Variants in RSPO2 observed in about 807,000 individuals in gnomAD.
RSPO2 encodes the protein R-spondin 2.
In RSPO2, 14 loss-of-function variants were observed where a neutral mutation model predicts 30.9. The observed-to-expected ratio is 0.45, with a 90% CI of 0.30 to 0.71. The LOEUF is 0.71. Among genes scored for constraint, RSPO2 ranks in the 30% least tolerant of loss-of-function variants. RSPO2 has a pLI of 0.08. For synonymous variants in RSPO2, 107 were observed against 96.4 expected, an observed-to-expected ratio of 1.11 and a Z score of -0.64; for missense variants, 264 against 301.9, an observed-to-expected ratio of 0.87 and a Z score of 0.93.
chr8:107,906,343 GTATTTTA>G (rs71562163), intron 5 of RSPO2, among the ~76,000 whole-genome samples: 113 of 47,232 alleles, frequency 2.4e-3, no homozygotes, highest in African/African-American at 4.6e-3. Flanking sequence ...ATGAATGCAA[GTATTTTA>G]TATTTTATAT....
At chr8:108,071,141 A>G (rs2130724582) in intron 2 of RSPO2, among the ~76,000 whole-genome samples, 1 of 152,334 alleles carries the variant, frequency 6.6e-6, no homozygotes, top group South Asian at 2.1e-4. Flanking sequence ...GAGATCACCC[A>G]TAGTAGCTGC....
intron 2 of RSPO2, among the ~76,000 whole-genome samples, chr8:108,012,224 T>A (rs1810730486): frequency 6.6e-6 from 1 of 152,200 alleles, no homozygotes; most frequent in Admixed American, 6.5e-5. Flanking sequence ...TGGCAAGCAA[T>A]GCTTTAAAGT....
rs997539523 is a variant in RSPO2 at position 108,058,653 on chromosome 8, T to C, written c.94+23892A>G. 5.3e-5 allele frequency among the ~76,000 whole-genome samples: 8 copies of C among 151,826 alleles called. 1 individual carries two copies. The highest frequency in any genetic ancestry group is 3.9e-4 in the East Asian group (2 of 5,186). On this transcript the variant is annotated intron_variant, in intron 2 of 5. Transcript: ENST00000276659. ...TGGTACTGGTACCAAAACAGAGATA[T>C]AGATCAATGGAACAGAACAGAGCCC...
intron 2 of RSPO2, among the ~76,000 whole-genome samples, chr8:108,054,626 A>C (rs1812185697): frequency 2.0e-5 from 3 of 152,186 alleles, no homozygotes; most frequent in Admixed American, 2.0e-4. Context: ...AACAAAGAAA[A>C]TTCTAGAGTG....
chr8:108,002,582 T>C (rs1284628304), intron 2 of RSPO2, among the ~76,000 whole-genome samples: 1 of 152,194 alleles, frequency 6.6e-6, no homozygotes, highest in Non-Finnish European at 1.5e-5. Flanking sequence ...ATCCCTCATA[T>C]ATCACCTGCT....
intron 2 of RSPO2, among the ~76,000 whole-genome samples, chr8:108,021,730 T>C (rs766253096): frequency 1.9e-4 from 27 of 144,988 alleles, no homozygotes; most frequent in Non-Finnish European, 3.3e-4. Flanking sequence ...TAAGAACACA[T>C]GGACACAGGG....
chr8:107,992,176 C>T (rs1381055508), intron 2 of RSPO2, among the ~76,000 whole-genome samples: 1 of 147,420 alleles, frequency 6.8e-6, no homozygotes, highest in East Asian at 2.0e-4. Flanking sequence ...AAATGTGATA[C>T]ACACACACAC....
Position 107,899,712 on chromosome 8 carries a change from A to AAGAT in RSPO2, c.*1359_*1362dup, listed in dbSNP as rs1177938199. On this transcript the variant is annotated 3_prime_UTR_variant, in exon 6 of 6. Transcript: ENST00000276659. Reference sequence around the variant, plus strand: ...CTAATTTTCTCCTGGATCAGCCAGGAAGATAATCATGCTTTGTGAAAAAGC... The same window carrying AAGAT: ...CTAATTTTCTCCTGGATCAGCCAGGAAGATAGATAATCATGCTTTGTGAAAAAGC... The AAGAT allele has an allele frequency of 1.3e-5, 2 of 152,388 alleles. No homozygotes were observed. Among genetic ancestry groups the AAGAT allele is most frequent in the Non-Finnish European group, 2.9e-5 (2 of 68,046 alleles). 9.4% of individuals were successfully genotyped at this position (152,388 alleles called of 1,614,324 possible).
intron 5 of RSPO2, among the ~76,000 whole-genome samples, chr8:107,948,624 C>G (rs1813140109): frequency 6.6e-6 from 1 of 152,102 alleles, no homozygotes; most frequent in South Asian, 2.1e-4. Context: ...TATCTTAAGG[C>G]CGAGGCAGGC....
In RSPO2 at chr8:107,958,085, G is replaced by C. The variant is rs777116789; in HGVS notation, c.611C>G (p.Pro204Arg). The C allele has an allele frequency of 2.5e-6, 4 of 1,609,080 alleles. No individual in the cohort carries two copies. Reference sequence around the variant, plus strand: ...GTGATTATATCCACACCTACCTCCTGGACAATGCCTCATTGTCATCTTGCA... The same window carrying C: ...GTGATTATATCCACACCTACCTCCTCGACAATGCCTCATTGTCATCTTGCA... The part of the protein sequence containing the change: ...RRCKMTMRHC[P>R]GGKRTPKAKE... The change falls in exon 5 of 6, where the codon CCA becomes CGA. Residue 204 changes from proline (P) to arginine (R), a missense_variant. Pro to Arg is a moderately radical substitution (Grantham distance 103). Coordinates refer to ENST00000276659, the MANE Select transcript of RSPO2 (RefSeq NM_178565.5).
At chr8:108,004,177 G>C (rs1363366340) in intron 2 of RSPO2, among the ~76,000 whole-genome samples, 1 of 152,114 alleles carries the variant, frequency 6.6e-6, no homozygotes, top group Non-Finnish European at 1.5e-5. Context: ...AAGGATAATG[G>C]GGGAAACTGA....
In RSPO2 at chr8:108,053,888, C is replaced by T. The variant is rs982192647; in HGVS notation, c.94+28657G>A. Among the ~76,000 whole-genome samples, 20 of 152,196 alleles carry T rather than the reference C, an allele frequency of 1.3e-4. 1 individual carries two copies. Among genetic ancestry groups the T allele is most frequent in the Admixed American group, 5.2e-4 (8 of 15,280 alleles). On this transcript the variant is annotated intron_variant, in intron 2 of 5. Transcript: ENST00000276659. Reference sequence around the variant, plus strand: ...TAGCACCCCAGCCTGGGCAGCAGAGCGAGATCCTGTCTCTACCAAAGAAAA... The same window carrying T: ...TAGCACCCCAGCCTGGGCAGCAGAGTGAGATCCTGTCTCTACCAAAGAAAA...
rs1342160805 is a variant in RSPO2 at position 107,899,761 on chromosome 8, G to T, written c.*1314C>A. On this transcript the variant is annotated 3_prime_UTR_variant, in exon 6 of 6. Coordinates refer to ENST00000276659, the MANE Select transcript of RSPO2 (RefSeq NM_178565.5). ...GCCAATTCACAACCTTCTAAAAACT[G>T]GTTCCCCTAAAAGGACAATGATGTG... The T allele has an allele frequency of 6.6e-6, 1 of 152,132 alleles. No individual in the cohort carries two copies. Among genetic ancestry groups the T allele is most frequent in the Non-Finnish European group, 1.5e-5 (1 of 68,026 alleles). 9.4% of individuals were successfully genotyped at this position (152,132 alleles called of 1,614,324 possible). A position where few individuals can be genotyped will look rare whatever the true frequency, so the allele number is the denominator to read the frequency against.
intron 2 of RSPO2, among the ~76,000 whole-genome samples, chr8:108,033,575 T>C (rs1811498243): frequency 6.6e-6 from 1 of 152,240 alleles, no homozygotes; most frequent in Non-Finnish European, 1.5e-5. Context: ...TGAGGTGCCA[T>C]ATGGGCATCA....
chr8:108,064,816 A>G (rs1812606444), intron 2 of RSPO2, among the ~76,000 whole-genome samples: 1 of 152,230 alleles, frequency 6.6e-6, no homozygotes, highest in South Asian at 2.1e-4. Context: ...AATGTGGCAC[A>G]TATACACCAT....
In RSPO2 at chr8:107,958,176, G is replaced by A. The variant is rs758562140; in HGVS notation, c.520C>T (p.Arg174Trp). The change falls in exon 5 of 6, where the codon CGG (arginine) becomes TGG (tryptophan). Residue 174 changes from arginine to tryptophan, a missense_variant. Transcript: ENST00000276659. Reference sequence around the variant, plus strand: ...TTCACTGGCTTTTTAACAATTTGCCGTGTTCTGGTTTCCAGACCCCATTTA... The same window carrying A: ...TTCACTGGCTTTTTAACAATTTGCCATGTTCTGGTTTCCAGACCCCATTTA... ...GFKWGLETRTRQIVKKPVKDT... is the reference protein window; with the variant it reads ...GFKWGLETRTWQIVKKPVKDT... 6.2e-6 allele frequency: 10 copies of A among 1,613,484 alleles called. No homozygotes were observed. The highest frequency in any genetic ancestry group is 4.4e-5 in the South Asian group (4 of 91,066).
intron 2 of RSPO2, among the ~76,000 whole-genome samples, chr8:108,048,740 A>AG (rs1196639730): frequency 6.6e-6 from 1 of 151,940 alleles, no homozygotes; most frequent in Non-Finnish European, 1.5e-5. Flanking sequence ...TTGCTTCTCT[A>AG]GTTCTTTTAA....
intron 3 of RSPO2, among the ~76,000 whole-genome samples, chr8:107,968,284 C>T (rs527870367): frequency 2.0e-4 from 31 of 152,176 alleles, no homozygotes; most frequent in Admixed American, 1.6e-3. Flanking sequence ...AGAATGAAAT[C>T]CTGTCATTTC....
At chr8:107,944,632 G>A (rs949742354) in intron 5 of RSPO2, among the ~76,000 whole-genome samples, 7 of 152,122 alleles carry the variant, frequency 4.6e-5, no homozygotes, top group Non-Finnish European at 8.8e-5. Flanking sequence ...GAAAGACAAA[G>A]AAGCCATATG....
Sources: gnomAD v4.1 joint callset for allele counts (sites outside exome capture counted in the v4.1 genomes callset) on GRCh38, gnomAD v4.1.1 for gene constraint, MANE v1.5 for transcripts, NCBI Gene and HGNC (gene_info 2026-07-23, HGNC 2026-07-21) for gene names.